The following TMEM260 variants were observed in gnomAD, a reference collection of about 807,000 sequenced individuals.
The protein encoded by TMEM260 is protein O-mannosyl-transferase TMEM260.
TMEM260 carries 82 observed loss-of-function variants against 88.9 expected under a neutral mutation model. That is an observed-to-expected ratio of 0.92 (90% CI 0.77 to 1.11). TMEM260 has a LOEUF of 1.11. Among genes scored for constraint, TMEM260 ranks in the 50% least tolerant of loss-of-function variants. The pLI is 0.00. For missense variants in TMEM260, 902 were observed against 853.4 expected, an observed-to-expected ratio of 1.06 and a Z score of -0.71; for synonymous variants, 314 against 309.3, an observed-to-expected ratio of 1.02 and a Z score of -0.16.
chr14:56,605,068 T>C (rs1444489107), intron 4 of TMEM260, among the ~76,000 whole-genome samples: 2 of 152,140 alleles, frequency 1.3e-5, no homozygotes, highest in African/African-American at 4.8e-5. Context: ...CAGGACCTAA[T>C]TGGGAAGAGT....
At chr14:56,604,875 G>A (rs1272104461) in intron 4 of TMEM260, among the ~76,000 whole-genome samples, 2 of 152,140 alleles carry the variant, frequency 1.3e-5, no homozygotes, top group African/African-American at 4.8e-5. Context: ...AAGCATCAGC[G>A]GTAAAGGGAG....
At chr14:56,650,458 G>T, downstream of TMEM260, 1 of 155,738 alleles carries the variant, frequency 6.4e-6, no homozygotes, top group Non-Finnish European at 1.4e-5. Flanking sequence ...CTTGGTTCTT[G>T]GTATTGACTT....
intron 9 of TMEM260, 57 bp from the exon 10 acceptor site, chr14:56,618,537 C>T: frequency 4.0e-6 from 6 of 1,505,960 alleles, no homozygotes; most frequent in Non-Finnish European, 4.5e-6. Flanking sequence ...ATATGAGGAG[C>T]TGATTGATAG....
At chr14:56,639,081 C>G (rs1321152593) in intron 15 of TMEM260, among the ~76,000 whole-genome samples, 1 of 152,132 alleles carries the variant, frequency 6.6e-6, no homozygotes, top group Admixed American at 6.5e-5. Context: ...GAATGAGCCT[C>G]CATTCTCTGG....
chr14:56,594,387 C>T (rs1479003591), intron 3 of TMEM260, among the ~76,000 whole-genome samples: 1 of 152,136 alleles, frequency 6.6e-6, no homozygotes, highest in Non-Finnish European at 1.5e-5. Flanking sequence ...AACAAAATGT[C>T]TTTTCACTTT....
chr14:56,622,342 C>CAA (rs71448489), intron 11 of TMEM260, among the ~76,000 whole-genome samples: 4,661 of 83,160 alleles, frequency 0.056, 245 homozygotes, highest in East Asian at 0.11. Context: ...GACTCCGTCT[C>CAA]AAAAAAAAAA....
At chr14:56,660,189 T>C in the TMEM260 span, among the ~76,000 whole-genome samples, 1 of 152,242 alleles carries the variant, frequency 6.6e-6, no homozygotes, top group South Asian at 2.1e-4. Flanking sequence ...ACTTAGCAAC[T>C]GATAAGGCTT....
At chr14:56,613,084 C>A (rs1255550412) in intron 7 of TMEM260, 1 of 151,942 alleles carries the variant, frequency 6.6e-6, no homozygotes, top group African/African-American at 2.4e-5. Context: ...TAATAGTGTT[C>A]TTTGAAAACT....
chr14:56,651,134 G>A (rs923531157), downstream of TMEM260, among the ~76,000 whole-genome samples: 6 of 152,114 alleles, frequency 3.9e-5, no homozygotes, highest in Non-Finnish European at 5.9e-5. Context: ...CAGCATTACA[G>A]AGCAAACAAG....
chr14:56,612,158 G>A (rs1471454759), intron 6 of TMEM260, 87 bp from the exon 7 acceptor site: 5 of 1,322,096 alleles, frequency 3.8e-6, no homozygotes, highest in South Asian at 2.5e-5. Flanking sequence ...AAGAAAACCC[G>A]AATCTTTTAA....
At position 56,647,580 on chromosome 14, in the gene TMEM260, T is replaced by C. The variant is rs1326966097; in HGVS notation, c.*83T>C. On this transcript the variant is annotated 3_prime_UTR_variant, in exon 16 of 16. Transcript: ENST00000261556. ...AAGTTTTTCCTTCAAGAAAAGAAAC[T>C]GCATAAAAAATTTAAAACTAAGTCA... The C allele has an allele frequency of 2.5e-5, 37 of 1,456,594 alleles. No individual in the cohort carries two copies. Among genetic ancestry groups the C allele is most frequent in the Non-Finnish European group, 3.3e-5 (36 of 1,099,396 alleles). The allele number at this position is 1,456,594 out of a possible 1,614,324, so 90.2% of individuals were successfully genotyped here.
Position 56,647,489 on chromosome 14 carries a change from A to G in TMEM260, c.2116A>G (p.Asn706Asp), listed in dbSNP as rs781270709. 3.8e-6 allele frequency: 6 copies of G among 1,596,766 alleles called. No individual in the cohort carries two copies. The highest frequency in any genetic ancestry group is 1.8e-5 in the Admixed American group (1 of 55,366). Residue 706 changes from asparagine to aspartate, a missense_variant, in exon 16 of 16, where the codon AAT (asparagine) becomes GAT (aspartate). By Grantham distance (23) the Asn-to-Asp change is conservative (BLOSUM62 1). Transcript: ENST00000261556. ...KELQSLRNRK[N>D]V ...ACTGCAAAGTCTGAGAAATAGGAAAAATGTCTGAGACAGCAAAATATGAAA... is the reference window on the plus strand; with the variant it reads ...ACTGCAAAGTCTGAGAAATAGGAAAGATGTCTGAGACAGCAAAATATGAAA...
chr14:56,614,808 A>G (rs1887500997), intron 7 of TMEM260, among the ~76,000 whole-genome samples: 1 of 152,214 alleles, frequency 6.6e-6, no homozygotes, highest in Admixed American at 6.5e-5. Context: ...CTAGTCTTTA[A>G]TAGTTTCAGG....
At chr14:56,656,276 A>G in the TMEM260 span, among the ~76,000 whole-genome samples, 1 of 152,244 alleles carries the variant, frequency 6.6e-6, no homozygotes, top group South Asian at 2.1e-4. Flanking sequence ...AAAAATTGCC[A>G]AGCATGGTGT....
downstream of TMEM260, chr14:56,650,143 T>G: frequency 2.2e-6 from 1 of 450,170 alleles, no homozygotes; most frequent in Non-Finnish European, 4.4e-6. Context: ...GAGACTGTAA[T>G]GGAGGTGACT....
At chr14:56,636,090 T>G (rs1831525886) in intron 14 of TMEM260, among the ~76,000 whole-genome samples, 1 of 152,122 alleles carries the variant, frequency 6.6e-6, no homozygotes, top group South Asian at 2.1e-4. Flanking sequence ...GAATACAACT[T>G]GGATGAGTTC....
intron 7 of TMEM260, 64 bp downstream of exon 7, chr14:56,612,349 T>C (rs1887336779): frequency 1.4e-6 from 2 of 1,401,388 alleles, no homozygotes; most frequent in Non-Finnish European, 2.0e-6. Flanking sequence ...TAAGTGATTT[T>C]AGGGATTTCT....
chr14:56,615,947 TCAA>T lies in TMEM260; in HGVS notation c.862_864del (p.Gln288del). The T allele has an allele frequency of 6.2e-7, 1 of 1,611,654 alleles. No individual in the cohort carries two copies. Among genetic ancestry groups the T allele is most frequent in the Admixed American group, 1.7e-5 (1 of 59,960 alleles). ...TAAGTTAGATTGTTTTTTGCAGTTC[TCAA>T]GTAACAAATATGAGGACCGAACTCT... On this transcript the variant is annotated inframe_deletion, in exon 8 of 16. Coordinates refer to ENST00000261556, the MANE Select transcript of TMEM260 (RefSeq NM_017799.4).
At chr14:56,632,464 T>C (rs904184048) in intron 12 of TMEM260, among the ~76,000 whole-genome samples, 2 of 152,122 alleles carry the variant, frequency 1.3e-5, no homozygotes, top group African/African-American at 4.8e-5. Context: ...GCCTGGCACC[T>C]GGGAAAGGAG....
Sources: gnomAD v4.1 joint callset for allele counts (sites outside exome capture counted in the v4.1 genomes callset) on GRCh38, gnomAD v4.1.1 for gene constraint, MANE v1.5 for transcripts, NCBI Gene and HGNC (gene_info 2026-07-23, HGNC 2026-07-21) for gene names.